Variants in CAMSAP1 observed in about 807,000 individuals in gnomAD.
CAMSAP1 encodes calmodulin-regulated spectrin-associated protein 1.
In CAMSAP1, 58 loss-of-function variants were observed where a neutral mutation model predicts 143.5. That is an observed-to-expected ratio of 0.40 (90% confidence interval 0.33 to 0.50). The LOEUF is 0.50. CAMSAP1 is among the 20% of genes least tolerant of loss of function. The pLI, the probability that CAMSAP1 is intolerant of heterozygous loss-of-function variation, is 0.45. For missense variants in CAMSAP1, 1,969 were observed against 2,115.7 expected (o/e 0.93, Z 1.36); for synonymous variants, 945 against 859.3 (o/e 1.10, Z -1.74).
chr9:135,869,726 C>T (rs140067141), intron 3 of CAMSAP1, among the ~76,000 whole-genome samples: 1 of 152,286 alleles, frequency 6.6e-6, no homozygotes, highest in African/African-American at 2.4e-5. Flanking sequence ...ACACAGGAAA[C>T]TTGTGCATGA....
intron 7 of CAMSAP1, among the ~76,000 whole-genome samples, chr9:135,833,570 T>A (rs1835923464): frequency 6.6e-6 from 1 of 152,224 alleles, no homozygotes; most frequent in East Asian, 1.9e-4. Flanking sequence ...GAAAGGATAG[T>A]ACCTTCAATA....
At chr9:135,906,935 C>T (rs1838801421) in intron 1 of CAMSAP1, 65 bp downstream of exon 1, 1 of 904,710 alleles carries the variant, frequency 1.1e-6, no homozygotes, top group Non-Finnish European at 1.3e-6. Context: ...GGCCGGACCC[C>T]GGCCGCGTCC....
chr9:135,897,502 G>A (rs1031175078), intron 1 of CAMSAP1, among the ~76,000 whole-genome samples: 7 of 152,150 alleles, frequency 4.6e-5, no homozygotes, highest in Admixed American at 2.0e-4. Flanking sequence ...GAGGATGTGA[G>A]ATGAGAAAAT....
rs994519573 is a variant in CAMSAP1, at chr9:135,850,064, A to G, written c.1045+73T>C. 21 of 1,221,310 alleles carry G rather than the reference A, an allele frequency of 1.7e-5. No individual in the cohort carries two copies. The East Asian group carries it at 5.0e-4, about 29-fold the overall frequency. The allele number at this position is 1,221,310 out of a possible 1,614,324, so 75.7% of individuals were successfully genotyped here. A position where few individuals can be genotyped will look rare whatever the true frequency, so the allele number is the denominator to read the frequency against. On this transcript the variant is annotated intron_variant, in intron 7 of 16. Transcript: ENST00000389532. ...TCTGCTGTGCGAGAAACATGGAACC[A>G]CTGGAGAGTGCTTTCTGATACTCTA... is the stretch of plus-strand genomic sequence containing the variant.
At chr9:135,817,586 G>T (rs1440549425) in intron 14 of CAMSAP1, among the ~76,000 whole-genome samples, 1 of 151,974 alleles carries the variant, frequency 6.6e-6, no homozygotes, top group Non-Finnish European at 1.5e-5. Flanking sequence ...TGTAGAGATG[G>T]GGGGGTCTCA....
At chr9:135,838,078 GAC>G (rs1295284709) in intron 7 of CAMSAP1, among the ~76,000 whole-genome samples, 1 of 142,246 alleles carries the variant, frequency 7.0e-6, no homozygotes, top group African/African-American at 2.7e-5. Context: ...CCATTCTACA[GAC>G]ACACGTCATC....
chr9:135,869,119 C>T (rs1489219719), intron 3 of CAMSAP1, among the ~76,000 whole-genome samples: 1 of 152,120 alleles, frequency 6.6e-6, no homozygotes, highest in Non-Finnish European at 1.5e-5. Context: ...TAAAAACTCA[C>T]TGATCTAGTA....
chr9:135,861,691 G>GAT (rs1837198271), intron 5 of CAMSAP1, among the ~76,000 whole-genome samples: 1 of 152,204 alleles, frequency 6.6e-6, no homozygotes, highest in Non-Finnish European at 1.5e-5. Context: ...GTAGGAACAA[G>GAT]ATCAATGCCA....
At chr9:135,853,964 T>C (rs1430883018) in intron 5 of CAMSAP1, among the ~76,000 whole-genome samples, 2 of 152,220 alleles carry the variant, frequency 1.3e-5, no homozygotes, top group African/African-American at 4.8e-5. Context: ...ATCTGTTCAA[T>C]TTGCGCTAAT....
chr9:135,835,180 G>C (rs1285254435), intron 7 of CAMSAP1, among the ~76,000 whole-genome samples: 2 of 152,108 alleles, frequency 1.3e-5, no homozygotes, highest in Admixed American at 1.3e-4. Flanking sequence ...CCCTTACCAA[G>C]TAAGGGAGAA....
chr9:135,886,953 G>C (rs903675234), intron 1 of CAMSAP1, among the ~76,000 whole-genome samples: 1 of 152,254 alleles, frequency 6.6e-6, no homozygotes, highest in African/African-American at 2.4e-5. Flanking sequence ...TAGTGTGGAG[G>C]AGGAGGGCAG....
At chr9:135,840,453 C>T (rs1836300107) in intron 7 of CAMSAP1, among the ~76,000 whole-genome samples, 1 of 152,174 alleles carries the variant, frequency 6.6e-6, no homozygotes, top group Non-Finnish European at 1.5e-5. Flanking sequence ...CGACGGGGTC[C>T]GATGGGAAGA....
At position 135,822,361 on chromosome 9, in the gene CAMSAP1, T is replaced by A. The variant is rs1835503699; in HGVS notation, c.2300A>T (p.Glu767Val). 9 of 1,613,940 alleles carry A rather than the reference T, an allele frequency of 5.6e-6. No individual in the cohort carries two copies. Among genetic ancestry groups the A allele is most frequent in the Non-Finnish European group, 7.6e-6 (9 of 1,179,882 alleles). Residue 767 changes from glutamate to valine, a missense_variant, in exon 11 of 17, where the codon GAG becomes GTG. By Grantham distance (121) the Glu-to-Val change is moderately radical. Around this residue, in one of 4 missense-constraint regions of CAMSAP1, gnomAD observed 1,390 missense variants for 1,420.8 expected, o/e 0.98. Transcript: ENST00000389532. This position sits in a 1 kb window ranked among gnomAD's most constrained non-coding sequence, Gnocchi z 6.1. ...CTCCTGCAGTTTGGCCGACTCTTCC[T>A]CCCCAATGTATCTGCTGAAAACCAC... ...HPVVFSRYIG[E>V]EESAKLQEDM...
chr9:135,888,026 G>C (rs1267407560), intron 1 of CAMSAP1, among the ~76,000 whole-genome samples: 1 of 152,168 alleles, frequency 6.6e-6, no homozygotes, highest in African/African-American at 2.4e-5. Flanking sequence ...AAGTGCAGGA[G>C]GAACTCAGAG....
intron 5 of CAMSAP1, among the ~76,000 whole-genome samples, chr9:135,857,915 G>A (rs1837034531): frequency 6.6e-6 from 1 of 152,152 alleles, no homozygotes; most frequent in Non-Finnish European, 1.5e-5. Flanking sequence ...TCTGAGGCTA[G>A]AGCCTATCTG....
Position 135,817,988 on chromosome 9 carries a change from T to C in CAMSAP1, c.4260A>G (p.Thr1420=). ...TEPESVHSGG[T]PSQRVESMEA... ...CTCAGGCCCCTTACCGCTGAGAGGG[T>C]GTGCCCCCGGAATGAACGCTCTCGG... Residue 1420 remains threonine (T), a synonymous_variant, in exon 14 of 17, where the codon ACA becomes ACG. Coordinates refer to ENST00000389532, the MANE Select transcript of CAMSAP1 (RefSeq NM_015447.4). 1 of 1,613,666 alleles carries C rather than the reference T, an allele frequency of 6.2e-7. No homozygotes were observed. Among genetic ancestry groups the C allele is most frequent in the African/African-American group, 1.3e-5 (1 of 74,990 alleles).
chr9:135,833,317 G>A (rs1361203376), intron 7 of CAMSAP1, among the ~76,000 whole-genome samples: 1 of 152,028 alleles, frequency 6.6e-6, no homozygotes, highest in Non-Finnish European at 1.5e-5. Flanking sequence ...TCCTGACCTC[G>A]TGATCCGCCC....
intron 1 of CAMSAP1, among the ~76,000 whole-genome samples, chr9:135,905,637 C>T (rs1037710176): frequency 4.6e-5 from 7 of 152,082 alleles, no homozygotes; most frequent in Non-Finnish European, 7.3e-5. Flanking sequence ...AAGAACGTAA[C>T]GTGGGATAAG....
intron 10 of CAMSAP1, among the ~76,000 whole-genome samples, chr9:135,823,510 TA>T (rs1474687806): frequency 5.9e-5 from 9 of 152,406 alleles, no homozygotes; most frequent in Admixed American, 5.9e-4. Flanking sequence ...CTTTTGTTTC[TA>T]TTTATCAGTA....
Sources: allele counts gnomAD v4.1 joint callset (sites outside exome capture counted in the v4.1 genomes callset), GRCh38; gene constraint gnomAD v4.1.1; regional missense constraint gnomAD v4.1.1; non-coding constraint Gnocchi (gnomAD v3.1); transcripts MANE v1.5; gene names NCBI Gene and HGNC (gene_info 2026-07-23, HGNC 2026-07-21).